ENOSF1: variants seen among roughly 807,000 people sequenced by gnomAD.
The protein encoded by ENOSF1 is enolase superfamily member 1, also known as mitochondrial enolase superfamily member 1.
A neutral mutation model predicts 68.2 loss-of-function variants in ENOSF1; 73 were observed. That is an observed-to-expected ratio of 1.07 (90% CI 0.89 to 1.30). ENOSF1 has a LOEUF of 1.30. Among genes scored for constraint, ENOSF1 ranks in the 50% most tolerant of loss-of-function variants. The pLI is 0.00. For synonymous variants in ENOSF1, 223 were observed against 210.4 expected (o/e 1.06, Z -0.52); for missense variants, 589 against 554.5 (o/e 1.06, Z -0.62).
intron 14 of ENOSF1, 46 bp downstream of exon 14, chr18:677,299 T>A: frequency 6.7e-7 from 1 of 1,503,200 alleles, no homozygotes; most frequent in South Asian, 1.1e-5. Context: ...TGGCCTGGAT[T>A]GAGGGACCCT....
chr18:670,701 T>C lies in ENOSF1; in HGVS notation c.*3604A>G. ...TCTGCTGGTTCCTCAGATCTTCCTC[T>C]GATGGCGCTGCCTCCATGCCATGCC... On this transcript the variant is annotated 3_prime_UTR_variant, in exon 16 of 16. Coordinates refer to ENST00000647584, the MANE Select transcript of ENOSF1 (RefSeq NM_017512.7). 2 of 1,614,014 alleles carry C rather than the reference T, an allele frequency of 1.2e-6. No homozygotes were observed. Among genetic ancestry groups the C allele is most frequent in the Non-Finnish European group, 1.7e-6 (2 of 1,179,966 alleles).
chr18:674,215 G>C lies in ENOSF1; in HGVS notation c.*90C>G, dbSNP rs2075235346. On this transcript the variant is annotated 3_prime_UTR_variant, in exon 16 of 16. Transcript: ENST00000647584. ...CTAGCTGAACTCATCTTGATCGGTA[G>C]GATTTTTTAAATCCATTTTTGTAAA... 4.5e-6 allele frequency: 4 copies of C among 884,078 alleles called. No homozygotes were observed. Among genetic ancestry groups the C allele is most frequent in the Non-Finnish European group, 7.2e-6 (4 of 558,486 alleles). 54.8% of individuals were successfully genotyped at this position (884,078 alleles called of 1,614,324 possible). A position where few individuals can be genotyped will look rare whatever the true frequency, so the allele number is the denominator to read the frequency against.
At chr18:666,523 T>G (rs1250484806), downstream of ENOSF1, among the ~76,000 whole-genome samples, 2 of 152,160 alleles carry the variant, frequency 1.3e-5, no homozygotes, top group Non-Finnish European at 2.9e-5. Flanking sequence ...GAAAAGCAGA[T>G]GCCACCTTGG....
At chr18:703,191 G>A (rs971094368) in intron 2 of ENOSF1, among the ~76,000 whole-genome samples, 1 of 152,168 alleles carries the variant, frequency 6.6e-6, no homozygotes, top group Admixed American at 6.5e-5. Context: ...ATCCGTGCCT[G>A]AGACATCCAC....
intron 15 of ENOSF1, 141 bp downstream of exon 15, chr18:675,180 G>A (rs990515283): frequency 4.3e-6 from 3 of 699,642 alleles, no homozygotes; most frequent in African/African-American, 1.8e-5. Flanking sequence ...TTTTGATACA[G>A]ACAAACTGAA....
intron 11 of ENOSF1, among the ~76,000 whole-genome samples, chr18:679,359 G>A (rs891018167): frequency 2.7e-5 from 4 of 150,760 alleles, no homozygotes; most frequent in Non-Finnish European, 5.9e-5. Context: ...AGAGGTGCAC[G>A]CCACCATGCT....
At chr18:685,886 G>T in intron 10 of ENOSF1, 35 bp downstream of exon 10, 1 of 1,484,346 alleles carries the variant, frequency 6.7e-7, no homozygotes, top group African/African-American at 1.4e-5. Context: ...CTGGACAAAG[G>T]CTACTGCTTC....
intron 3 of ENOSF1, among the ~76,000 whole-genome samples, chr18:695,428 A>T (rs1351234002): frequency 6.6e-6 from 1 of 152,066 alleles, no homozygotes; most frequent in Non-Finnish European, 1.5e-5. Flanking sequence ...CCAAGTAAGG[A>T]GGTTATTATT....
chr18:698,866 C>T (rs1472582725), intron 2 of ENOSF1, among the ~76,000 whole-genome samples: 1 of 152,068 alleles, frequency 6.6e-6, no homozygotes, highest in African/African-American at 2.4e-5. Context: ...AAGTGATACA[C>T]CTGCCTCGGC....
chr18:671,734 T>G lies in ENOSF1; in HGVS notation c.*2571A>C, dbSNP rs2075060258. 2.4e-6 allele frequency: 1 copy of G among 410,990 alleles called. No homozygotes were observed. The highest frequency in any genetic ancestry group is 4.3e-6 in the Non-Finnish European group (1 of 233,566). 25.5% of individuals were successfully genotyped at this position (410,990 alleles called of 1,614,324 possible). Reference sequence around the variant, plus strand: ...AGGGGATTGTCCAAAAGGGGGCATTTTAACTCATTTTAACTTGAAGGAGAA... The same window carrying G: ...AGGGGATTGTCCAAAAGGGGGCATTGTAACTCATTTTAACTTGAAGGAGAA... On this transcript the variant is annotated 3_prime_UTR_variant, in exon 16 of 16. Transcript: ENST00000647584.
chr18:692,737 T>C, intron 5 of ENOSF1: 2 of 992,584 alleles, frequency 2.0e-6, no homozygotes, highest in Non-Finnish European at 2.4e-6. Flanking sequence ...TCCCTTTTGG[T>C]GGCTACCTCC....
downstream of ENOSF1, chr18:667,640 C>T (rs972937721): frequency 1.3e-5 from 2 of 151,662 alleles, no homozygotes; most frequent in Non-Finnish European, 1.5e-5. Context: ...GGTTGCCTAA[C>T]ATCAGGAACG....
chr18:693,357 T>C, intron 5 of ENOSF1: 5 of 1,193,368 alleles, frequency 4.2e-6, no homozygotes, highest in Non-Finnish European at 5.3e-6. Flanking sequence ...GGTCTTGCTC[T>C]GTCACCTGAG....
At chr18:698,491 T>C (rs115734019) in intron 2 of ENOSF1, among the ~76,000 whole-genome samples, 3,475 of 152,322 alleles carry the variant, frequency 0.023, 131 homozygotes, top group African/African-American at 0.079. Context: ...TTAAAATATA[T>C]GAAAACACTG....
chr18:688,529 T>C (rs746460655), intron 9 of ENOSF1, 45 bp downstream of exon 9: 223 of 1,613,540 alleles, frequency 1.4e-4, no homozygotes, highest in Non-Finnish European at 5.1e-6. Context: ...TGCCTGAGTC[T>C]CTCCTGCCGC....
chr18:669,351 G>A (rs2074934438), downstream of ENOSF1: 3 of 507,842 alleles, frequency 5.9e-6, no homozygotes, highest in South Asian at 9.1e-5. Flanking sequence ...CAGATCATGA[G>A]GTTGGGCCCA....
chr18:694,000 T>G, intron 4 of ENOSF1, 92 bp from the exon 5 acceptor site: 1 of 1,427,786 alleles, frequency 7.0e-7, no homozygotes, highest in Non-Finnish European at 9.7e-7. Flanking sequence ...TAATGCTGGC[T>G]GTCAGCCACC....
At chr18:707,625 A>C (rs1292058451) in intron 1 of ENOSF1, 1 of 152,230 alleles carries the variant, frequency 6.6e-6, no homozygotes. Flanking sequence ...GAAGATGTGA[A>C]TGCATTCATA....
downstream of ENOSF1, among the ~76,000 whole-genome samples, chr18:670,044 TA>T (rs1393355270): frequency 3.3e-5 from 4 of 121,026 alleles, no homozygotes; most frequent in African/African-American, 7.6e-5. Context: ...AATAGAGACT[TA>T]TTTTTTTTTT....
Sources: gnomAD v4.1 joint callset for allele counts (sites outside exome capture counted in the v4.1 genomes callset) on GRCh38, gnomAD v4.1.1 for gene constraint, MANE v1.5 for transcripts, NCBI Gene and HGNC (gene_info 2026-07-23, HGNC 2026-07-21) for gene names.